FBXW2: variants seen among roughly 807,000 people sequenced by gnomAD.
FBXW2 encodes the protein F-box and WD repeat domain containing 2.
In FBXW2, 12 loss-of-function variants were observed where a neutral mutation model predicts 46.0. That is an observed-to-expected ratio of 0.26 (90% CI 0.17 to 0.42). The LOEUF is 0.42. FBXW2 is among the 10% of genes least tolerant of loss of function. FBXW2 has a pLI of 1.00. For synonymous variants in FBXW2, 203 were observed against 209.6 expected, an observed-to-expected ratio of 0.97 and a Z score of 0.27; for missense variants, 360 against 537.0, an observed-to-expected ratio of 0.67 and a Z score of 3.26.
Position 120,788,175 on chromosome 9 carries a change from A to T in FBXW2, c.84T>A (p.Thr28=), listed in dbSNP as rs1554809467. 1.2e-6 allele frequency: 2 copies of T among 1,614,206 alleles called. No homozygotes were observed. Among genetic ancestry groups the T allele is most frequent in the South Asian group, 2.2e-5 (2 of 91,086 alleles). The change falls in exon 3 of 8, where the codon ACT becomes ACA. Residue 28 remains threonine, a synonymous_variant. Coordinates refer to ENST00000608872, the MANE Select transcript of FBXW2 (RefSeq NM_012164.4). ...CACTCAGACTAATCAGGTGATCCAG[A>T]GTTTCATTTTTCTGCAAGTCCGTCA... is the stretch of plus-strand genomic sequence containing the variant. ...LSLTDLQKNE[T]LDHLISLSGA...
chr9:120,775,381 A>G (rs2044471263), intron 5 of FBXW2, among the ~76,000 whole-genome samples: 1 of 152,170 alleles, frequency 6.6e-6, no homozygotes, highest in African/African-American at 2.4e-5. Flanking sequence ...GTTCCTTCAC[A>G]AAACTTAACA....
chr9:120,772,646 A>G, intron 6 of FBXW2, 108 bp downstream of exon 6: 1 of 663,970 alleles, frequency 1.5e-6, no homozygotes, highest in Non-Finnish European at 2.5e-6. Context: ...GGACTAAGAC[A>G]CTCCCCCTCC....
intron 5 of FBXW2, among the ~76,000 whole-genome samples, chr9:120,774,556 A>C (rs983911753): frequency 1.3e-5 from 2 of 152,154 alleles, no homozygotes; most frequent in Admixed American, 1.3e-4. Context: ...CCCACAGTGA[A>C]TCTGCAAGCC....
At chr9:120,777,545 G>A (rs999443607) in intron 4 of FBXW2, among the ~76,000 whole-genome samples, 2 of 152,118 alleles carry the variant, frequency 1.3e-5, no homozygotes, top group Non-Finnish European at 2.9e-5. Context: ...ATAGAGGGAC[G>A]CAACCTGTTA....
Position 120,790,634 on chromosome 9 carries a change from T to C in FBXW2, c.-20-2356A>G, listed in dbSNP as rs146455809. ...TGCTGACACACATCTATTGTAGAAA[T>C]GCTTGTATTTAAGTGAGCTGAACTG... On this transcript the variant is annotated intron_variant, in intron 2 of 7. Transcript: ENST00000608872. Among the ~76,000 whole-genome samples the C allele has an allele frequency of 4.4e-4, 67 of 152,286 alleles. 1 individual carries two copies. The East Asian group carries it at 0.013, about 29-fold the overall frequency.
intron 5 of FBXW2, 43 bp downstream of exon 5, chr9:120,776,050 C>A (rs770334181): frequency 1.9e-6 from 3 of 1,608,496 alleles, no homozygotes; most frequent in Admixed American, 1.7e-5. Context: ...CGCCCTCCCT[C>A]AAAAAGCCTG....
Position 120,772,761 on chromosome 9 carries a change from T to G in FBXW2, c.899A>C (p.Glu300Ala), listed in dbSNP as rs2044406433. The G allele has an allele frequency of 1.1e-5, 17 of 1,557,832 alleles. No homozygotes were observed. Among genetic ancestry groups the G allele is most frequent in the Non-Finnish European group, 1.5e-5 (17 of 1,160,086 alleles). The change falls in exon 6 of 8, where the codon GAG becomes GCG. Residue 300 changes from glutamate (E) to alanine (A), a missense_variant. Coordinates refer to ENST00000608872, the MANE Select transcript of FBXW2 (RefSeq NM_012164.4). ...DYILLSADKY[E>A]IKIWPIGREI... ...ATGGAGAAAAAAACTCACCTTAATCTCATATTTGTCTGCACTTAAGAGGAT... is the reference window on the plus strand; with the variant it reads ...ATGGAGAAAAAAACTCACCTTAATCGCATATTTGTCTGCACTTAAGAGGAT...
intron 2 of FBXW2, among the ~76,000 whole-genome samples, chr9:120,792,000 T>C (rs1360943573): frequency 2.6e-5 from 4 of 152,204 alleles, no homozygotes; most frequent in Non-Finnish European, 5.9e-5. Context: ...CTCACATATT[T>C]ATATTGGTTT....
At chr9:120,782,335 G>A (rs998188469) in intron 3 of FBXW2, among the ~76,000 whole-genome samples, 12 of 151,768 alleles carry the variant, frequency 7.9e-5, no homozygotes, top group Non-Finnish European at 1.0e-4. Flanking sequence ...ACACGGTGGC[G>A]CATGCCTGTA....
chr9:120,757,596 T>C lies in FBXW2; in HGVS notation c.*6963A>G, dbSNP rs1045789858. The C allele has an allele frequency of 1.3e-5, 2 of 152,178 alleles. No individual in the cohort carries two copies. The highest frequency in any genetic ancestry group is 3.2e-3 in the Middle Eastern group (1 of 316). The allele number at this position is 152,178 out of a possible 1,614,324, so 9.4% of individuals were successfully genotyped here. Reference sequence around the variant, plus strand: ...TTGAGAATGTATTACAAAACAATGATTTGCAGTACATAAATCCATACACAT... The same window carrying C: ...TTGAGAATGTATTACAAAACAATGACTTGCAGTACATAAATCCATACACAT... On this transcript the variant is annotated 3_prime_UTR_variant, in exon 8 of 8. Coordinates refer to ENST00000608872, the MANE Select transcript of FBXW2 (RefSeq NM_012164.4).
At chr9:120,791,943 G>C (rs2044852167) in intron 2 of FBXW2, among the ~76,000 whole-genome samples, 1 of 152,096 alleles carries the variant, frequency 6.6e-6, no homozygotes, top group African/African-American at 2.4e-5. Context: ...TGAGAGCCTG[G>C]GTTTGGTCTC....
chr9:120,770,569 G>T (rs975732632), intron 7 of FBXW2, among the ~76,000 whole-genome samples: 1 of 152,114 alleles, frequency 6.6e-6, no homozygotes, highest in Non-Finnish European at 1.5e-5. Flanking sequence ...TATTAATAAA[G>T]ATCTGCCAGG....
intron 3 of FBXW2, among the ~76,000 whole-genome samples, chr9:120,784,677 T>C (rs886239065): frequency 1.9e-4 from 29 of 151,804 alleles, no homozygotes; most frequent in African/African-American, 6.8e-4. Flanking sequence ...CCCAGCACTT[T>C]GGGAGGCCGA....
At chr9:120,792,587 T>C (rs2044871062) in intron 2 of FBXW2, 1 of 186,126 alleles carries the variant, frequency 5.4e-6, no homozygotes, top group South Asian at 8.1e-5. Flanking sequence ...TGAATTTTTT[T>C]AAAGCTTTGA....
chr9:120,764,906 C>T, intron 7 of FBXW2, 59 bp from the exon 8 acceptor site: 3 of 1,321,574 alleles, frequency 2.3e-6, no homozygotes, highest in Non-Finnish European at 3.1e-6. Context: ...GTTTATGCTA[C>T]TGTAATCTTT....
intron 3 of FBXW2, among the ~76,000 whole-genome samples, chr9:120,779,663 C>G (rs1366411858): frequency 6.6e-6 from 1 of 152,180 alleles, no homozygotes; most frequent in African/African-American, 2.4e-5. Context: ...TCAAAACACA[C>G]AGGCAGGTCC....
rs918430763 is a variant in FBXW2, at chr9:120,763,092, G to A, written c.*1467C>T. The A allele has an allele frequency of 6.6e-6, 1 of 152,116 alleles. No individual in the cohort carries two copies. The highest frequency in any genetic ancestry group is 1.5e-5 in the Non-Finnish European group (1 of 68,032). The allele number at this position is 152,116 out of a possible 1,614,324, so 9.4% of individuals were successfully genotyped here. ...CAAATTTTCTTTAATCAGTTGTAACGTTTTAAAAATCCAGGATTTCAAATA... is the reference window on the plus strand; with the variant it reads ...CAAATTTTCTTTAATCAGTTGTAACATTTTAAAAATCCAGGATTTCAAATA... On this transcript the variant is annotated 3_prime_UTR_variant, in exon 8 of 8. Coordinates refer to ENST00000608872, the MANE Select transcript of FBXW2 (RefSeq NM_012164.4).
chr9:120,773,605 C>G (rs1024273953), intron 5 of FBXW2, among the ~76,000 whole-genome samples: 7 of 152,192 alleles, frequency 4.6e-5, no homozygotes, highest in Non-Finnish European at 5.9e-5. Flanking sequence ...ACATCAGGTT[C>G]TAGCTATTTT....
Position 120,778,473 on chromosome 9 carries a change from G to A in FBXW2, c.563C>T (p.Thr188Ile). The A allele has an allele frequency of 4.3e-6, 7 of 1,614,172 alleles. No individual in the cohort carries two copies. Among genetic ancestry groups the A allele is most frequent in the Non-Finnish European group, 5.9e-6 (7 of 1,180,044 alleles). Residue 188 changes from threonine to isoleucine, a missense_variant, in exon 4 of 8, where the codon ACT becomes ATT. Transcript: ENST00000608872. ...GQCVYGIQTH[T>I]CAAVKFDEQK... ...TTCATCAAACTTCACCGCTGCACAA[G>A]TGTGGGTCTGGATGCCATAAACGCA...
Sources: gnomAD v4.1 joint callset for allele counts (sites outside exome capture counted in the v4.1 genomes callset) on GRCh38, gnomAD v4.1.1 for gene constraint, MANE v1.5 for transcripts, NCBI Gene and HGNC (gene_info 2026-07-23, HGNC 2026-07-21) for gene names.